Variants in PKP4 observed in about 807,000 individuals in gnomAD.
PKP4 encodes plakophilin 4.
A neutral mutation model predicts 145.1 loss-of-function variants in PKP4; 90 were observed. The observed-to-expected ratio is 0.62, with a 90% CI of 0.52 to 0.74. The LOEUF is 0.74. Ranked by LOEUF, PKP4 falls within the 30% of genes least tolerant of loss-of-function variation. The probability of loss-of-function intolerance (pLI) is 0.00; values close to 1 mark genes in which losing one functional copy is unlikely to be tolerated. For synonymous variants in PKP4, 563 were observed against 577.2 expected, an observed-to-expected ratio of 0.98 and a Z score of 0.35; for missense variants, 1,340 against 1,482.7, an observed-to-expected ratio of 0.90 and a Z score of 1.58.
rs182131265 is a variant in PKP4, at chr2:158,621,178, G to T, written c.413-53G>T. 3.1e-6 allele frequency: 5 copies of T among 1,613,114 alleles called. No homozygotes were observed. In the African/African-American group the frequency reaches 6.7e-5, roughly 22 times the overall value. On this transcript the variant is annotated intron_variant, in intron 5 of 21. Transcript: ENST00000389759. ...TGCTTTTAAGATTTTATTCTTGAAA[G>T]CGAGTGTCAGAAGTGTGTATAATAA...
At chr2:158,626,735 T>G (rs1458951299) in intron 7 of PKP4, among the ~76,000 whole-genome samples, 1 of 152,210 alleles carries the variant, frequency 6.6e-6, no homozygotes, top group Non-Finnish European at 1.5e-5. Flanking sequence ...CCTCATTGTT[T>G]TTAAGGGCTT....
chr2:158,649,518 T>G (rs1023858066), intron 11 of PKP4, among the ~76,000 whole-genome samples: 1 of 152,230 alleles, frequency 6.6e-6, no homozygotes, highest in South Asian at 2.1e-4. Context: ...AGTATAATCA[T>G]AAAGCTTCAG....
chr2:158,660,430 T>C lies in PKP4; in HGVS notation c.2094-903T>C, dbSNP rs1411838653. 2 of 152,704 alleles carry C rather than the reference T, an allele frequency of 1.3e-5. 1 individual carries two copies. The highest frequency in any genetic ancestry group is 2.9e-5 in the Non-Finnish European group (2 of 68,182). 9.5% of individuals were successfully genotyped at this position (152,704 alleles called of 1,614,324 possible). On this transcript the variant is annotated intron_variant, in intron 12 of 21. Coordinates refer to ENST00000389759, the MANE Select transcript of PKP4 (RefSeq NM_003628.6). ...GGAGGTGCCCATGGGCAGATGAGTC[T>C]GAGAAGTAGCAAGGTGAGAGAGAAG...
intron 4 of PKP4, among the ~76,000 whole-genome samples, chr2:158,604,175 G>C (rs974180363): frequency 6.6e-6 from 1 of 152,228 alleles, no homozygotes; most frequent in African/African-American, 2.4e-5. Context: ...CCACATCTGA[G>C]ATGGCAGAGG....
intron 2 of PKP4, among the ~76,000 whole-genome samples, chr2:158,544,633 G>A (rs971370937): frequency 5.9e-5 from 9 of 152,100 alleles, no homozygotes; most frequent in African/African-American, 9.7e-5. Flanking sequence ...TACACTGATC[G>A]GTGAATATGG....
At chr2:158,457,386 CT>C (rs1688932756) in intron 1 of PKP4, 168 bp downstream of exon 1, 1 of 152,374 alleles carries the variant, frequency 6.6e-6, no homozygotes, top group South Asian at 2.1e-4. Context: ...CCTGCCCCGC[CT>C]CGTGTTCCTG....
At chr2:158,473,144 A>G (rs1181439501) in intron 1 of PKP4, among the ~76,000 whole-genome samples, 1 of 152,238 alleles carries the variant, frequency 6.6e-6, no homozygotes, top group Non-Finnish European at 1.5e-5. Context: ...CTGTTAGTAA[A>G]AAGTCAGTAA....
rs569944939 is a variant in PKP4 at position 158,671,840 on chromosome 2, G to A, written c.2925-1837G>A. On this transcript the variant is annotated intron_variant, in intron 17 of 21. Transcript: ENST00000389759. ...CAGGGTGGGTGGTGGGCCATGCTGG[G>A]GAGAGGAATGCTAGTCAATGAAGGC... 1.8e-4 allele frequency among the ~76,000 whole-genome samples: 28 copies of A among 152,360 alleles called. No homozygotes were observed. In the South Asian group the frequency reaches 5.8e-3, roughly 32 times the overall value.
At chr2:158,480,692 AT>A (rs1389271937) in intron 1 of PKP4, among the ~76,000 whole-genome samples, 3 of 152,186 alleles carry the variant, frequency 2.0e-5, no homozygotes, top group Admixed American at 6.5e-5. Flanking sequence ...AAAACTAAGA[AT>A]TGAAGTGCAT....
rs182987177 is a variant in PKP4 at position 158,624,922 on chromosome 2, A to T, written c.648A>T (p.Pro216=). The change falls in exon 7 of 22, where the codon CCA becomes CCT. Residue 216 remains proline (P), a synonymous_variant. Transcript: ENST00000389759. ...CCATGAGAAGAGTTAGTTCAGTTCC[A>T]TCTAGAGCACAGTCTCCTTCTTATG... ...NRAMRRVSSV[P]SRAQSPSYVI... is the part of the protein sequence containing the mutation. 1.9e-4 allele frequency: 299 copies of T among 1,613,072 alleles called. 1 individual carries two copies. In the East Asian group the frequency reaches 6.4e-3, roughly 34 times the overall value.
intron 16 of PKP4, chr2:158,669,363 G>A (rs1363866165): frequency 6.3e-6 from 1 of 159,854 alleles, no homozygotes; most frequent in Non-Finnish European, 1.4e-5. Flanking sequence ...GAATTCCATT[G>A]AGAATAAAAT....
At position 158,669,745 on chromosome 2, in the gene PKP4, C is replaced by T. The variant is rs1191438251; in HGVS notation, c.2754C>T (p.Val918=). ...LIGKYAMRDL[V]NRLPGGNGPS... Reference sequence around the variant, plus strand: ...GCAAATACGCCATGCGAGACCTGGTCAACCGGCTCCCCGGCGGCAATGGCC... The same window carrying T: ...GCAAATACGCCATGCGAGACCTGGTTAACCGGCTCCCCGGCGGCAATGGCC... The change falls in exon 17 of 22, where the codon GTC becomes GTT. Residue 918 remains valine (V), a synonymous_variant. Coordinates refer to ENST00000389759, the MANE Select transcript of PKP4 (RefSeq NM_003628.6). The T allele has an allele frequency of 1.9e-6, 3 of 1,600,682 alleles. No individual in the cohort carries two copies. The highest frequency in any genetic ancestry group is 1.7e-5 in the Admixed American group (1 of 58,900).
chr2:158,554,429 A>ATTTT (rs563557560), intron 2 of PKP4, among the ~76,000 whole-genome samples: 2,069 of 141,144 alleles, frequency 0.015, 36 homozygotes, highest in Non-Finnish European at 0.022. Flanking sequence ...TATTATTATT[A>ATTTT]TTTTTTTTTT....
chr2:158,568,525 C>G (rs773976831), intron 2 of PKP4, among the ~76,000 whole-genome samples: 13 of 152,092 alleles, frequency 8.5e-5, no homozygotes, highest in Non-Finnish European at 1.9e-4. Context: ...ATGGTTTACC[C>G]ATCATTTAGG....
At chr2:158,641,441 G>A (rs1171768541) in intron 10 of PKP4, among the ~76,000 whole-genome samples, 1 of 152,130 alleles carries the variant, frequency 6.6e-6, no homozygotes, top group African/African-American at 2.4e-5. Context: ...ATAAGTTATA[G>A]AGGATTATAA....
intron 11 of PKP4, among the ~76,000 whole-genome samples, chr2:158,652,803 G>C (rs1489726596): frequency 2.0e-5 from 3 of 152,202 alleles, no homozygotes; most frequent in Non-Finnish European, 2.9e-5. Context: ...AGTCCTGTTA[G>C]CCACTGGTCA....
At chr2:158,611,115 CA>C (rs543448969) in intron 4 of PKP4, among the ~76,000 whole-genome samples, 127 of 152,134 alleles carry the variant, frequency 8.3e-4, no homozygotes, top group African/African-American at 2.8e-3. Context: ...TTTGGATGAA[CA>C]GGAGAGAAAA....
rs1395034750 is a variant in PKP4 at position 158,631,955 on chromosome 2, C to A, written c.1342+14C>A. On this transcript the variant is annotated intron_variant, in intron 8 of 21. Coordinates refer to ENST00000389759, the MANE Select transcript of PKP4 (RefSeq NM_003628.6). ...GCACAGGTTCAGGTGGGCATCAACT[C>A]TGTTTACTGGTTTCCTGATTTCATA... The A allele has an allele frequency of 2.5e-6, 4 of 1,611,350 alleles. No individual in the cohort carries two copies. The highest frequency in any genetic ancestry group is 3.4e-6 in the Non-Finnish European group (4 of 1,178,546).
At chr2:158,654,914 A>G (rs146793730) in intron 11 of PKP4, among the ~76,000 whole-genome samples, 2 of 152,352 alleles carry the variant, frequency 1.3e-5, no homozygotes, top group South Asian at 2.1e-4. Flanking sequence ...CAACATATAT[A>G]TAAAAGGATG....
Sources: gnomAD v4.1 joint callset for allele counts (sites outside exome capture counted in the v4.1 genomes callset) on GRCh38, gnomAD v4.1.1 for gene constraint, MANE v1.5 for transcripts, NCBI Gene and HGNC (gene_info 2026-07-23, HGNC 2026-07-21) for gene names.